CDK14: variants seen among roughly 807,000 people sequenced by gnomAD.
CDK14 encodes the protein cyclin dependent kinase 14.
CDK14 carries 34 observed loss-of-function variants against 60.7 expected under a neutral mutation model. The observed-to-expected ratio is 0.56, with a 90% CI of 0.43 to 0.75. The LOEUF is 0.75. Among genes scored for constraint, CDK14 ranks in the 30% least tolerant of loss-of-function variants. The pLI is 0.00. For synonymous variants in CDK14, 197 were observed against 203.7 expected, an observed-to-expected ratio of 0.97 and a Z score of 0.28; for missense variants, 482 against 564.1, an observed-to-expected ratio of 0.85 and a Z score of 1.47.
chr7:90,786,755 A>ATT (rs10661080), intron 4 of CDK14, among the ~76,000 whole-genome samples: 63,556 of 148,368 alleles, frequency 0.43, 14,229 homozygotes, highest in East Asian at 0.81. Context: ...TTTCTCTAAA[A>ATT]TTTTTTTTTT....
chr7:91,084,029 A>G (rs1798558657), intron 12 of CDK14, among the ~76,000 whole-genome samples: 1 of 152,206 alleles, frequency 6.6e-6, no homozygotes, highest in South Asian at 2.1e-4. Flanking sequence ...ACATCCCCAC[A>G]TATGCTTATG....
At chr7:90,852,035 A>T (rs1364847256) in intron 5 of CDK14, among the ~76,000 whole-genome samples, 2 of 152,014 alleles carry the variant, frequency 1.3e-5, no homozygotes, top group African/African-American at 4.8e-5. Flanking sequence ...AGTAGCTGGG[A>T]CTACAGGCAT....
chr7:90,760,613 T>C (rs6980150), intron 4 of CDK14, among the ~76,000 whole-genome samples: 29,041 of 152,196 alleles, frequency 0.19, 2,890 homozygotes, highest in South Asian at 0.24. Context: ...GACTTTGGGC[T>C]CTTGGACCAA....
At chr7:90,871,735 C>G (rs1347617999) in intron 6 of CDK14, among the ~76,000 whole-genome samples, 1 of 152,162 alleles carries the variant, frequency 6.6e-6, no homozygotes, top group Non-Finnish European at 1.5e-5. Flanking sequence ...GTGCTGCCAA[C>G]TGATACCATG....
intron 6 of CDK14, among the ~76,000 whole-genome samples, chr7:90,880,895 A>T (rs1443311311): frequency 6.6e-6 from 1 of 152,152 alleles, no homozygotes; most frequent in East Asian, 1.9e-4. Flanking sequence ...AACAGCATCA[A>T]CAACAACAAC....
intron 2 of CDK14, among the ~76,000 whole-genome samples, chr7:90,664,382 G>T (rs1260372896): frequency 6.6e-6 from 1 of 152,048 alleles, no homozygotes; most frequent in Admixed American, 6.6e-5. Context: ...TCGGTGTGGC[G>T]ATTCCTCAGG....
chr7:90,701,486 T>C (rs1328539265), intron 2 of CDK14, among the ~76,000 whole-genome samples: 1 of 152,202 alleles, frequency 6.6e-6, no homozygotes, highest in Non-Finnish European at 1.5e-5. Context: ...GAAGTAGCTT[T>C]GTAAAAACCT....
At chr7:90,692,312 C>T (rs969668219) in intron 2 of CDK14, among the ~76,000 whole-genome samples, 1 of 152,008 alleles carries the variant, frequency 6.6e-6, no homozygotes, top group Non-Finnish European at 1.5e-5. Flanking sequence ...TTCTATATTC[C>T]AAGGACTTAT....
chr7:90,748,109 G>A lies in CDK14; in HGVS notation c.464+334G>A, dbSNP rs1584853031. Among the ~76,000 whole-genome samples the A allele has an allele frequency of 3.9e-5, 6 of 152,010 alleles. No homozygotes were observed. The South Asian group carries it at 1.2e-3, about 32-fold the overall frequency. ...AATTTCTCATAGAGATTTAGTGTTG[G>A]GAATAGGAGTATTGATTTGACAATG... On this transcript the variant is annotated intron_variant, in intron 4 of 14. Transcript: ENST00000380050.
intron 2 of CDK14, among the ~76,000 whole-genome samples, chr7:90,725,875 G>T (rs1361424317): frequency 6.6e-6 from 1 of 152,124 alleles, no homozygotes; most frequent in Non-Finnish European, 1.5e-5. Flanking sequence ...AGAAGGGAAG[G>T]AGGTGGAGGT....
At chr7:91,068,853 T>C (rs1301241085) in intron 11 of CDK14, among the ~76,000 whole-genome samples, 1 of 139,138 alleles carries the variant, frequency 7.2e-6, no homozygotes, top group East Asian at 2.3e-4. Context: ...GATCATATCT[T>C]AAAGGCCACA....
At chr7:91,166,765 C>T (rs1801358895) in intron 14 of CDK14, among the ~76,000 whole-genome samples, 1 of 152,092 alleles carries the variant, frequency 6.6e-6, no homozygotes, top group Non-Finnish European at 1.5e-5. Context: ...CTGACTAGTC[C>T]CAACAACACA....
At chr7:90,929,657 A>G (rs1029911051) in intron 8 of CDK14, among the ~76,000 whole-genome samples, 7 of 152,248 alleles carry the variant, frequency 4.6e-5, no homozygotes, top group Admixed American at 2.6e-4. Context: ...ATAAAATTAT[A>G]CTTCATGTTA....
chr7:90,755,075 A>G (rs941161542), intron 4 of CDK14, among the ~76,000 whole-genome samples: 1 of 152,176 alleles, frequency 6.6e-6, no homozygotes, highest in Non-Finnish European at 1.5e-5. Context: ...AGAACTTAAA[A>G]CAGGAACTGT....
chr7:90,776,400 C>T (rs1805046134), intron 4 of CDK14, among the ~76,000 whole-genome samples: 1 of 152,086 alleles, frequency 6.6e-6, no homozygotes, highest in African/African-American at 2.4e-5. Flanking sequence ...AACCCATAGC[C>T]CTAAAACTCC....
chr7:90,622,431 A>G (rs1465172800), intron 2 of CDK14, among the ~76,000 whole-genome samples: 2 of 152,210 alleles, frequency 1.3e-5, no homozygotes, highest in Non-Finnish European at 2.9e-5. Flanking sequence ...ATTAGTAGAA[A>G]AACTGTCAAT....
At chr7:90,607,101 A>G (rs6955057) in intron 2 of CDK14, among the ~76,000 whole-genome samples, 144,141 of 152,266 alleles carry the variant, frequency 0.95, 68,263 homozygotes, top group East Asian at 1. Flanking sequence ...TGAACTATAC[A>G]AAAGGATCAA....
intron 4 of CDK14, among the ~76,000 whole-genome samples, chr7:90,757,240 G>C (rs902250651): frequency 2.8e-5 from 4 of 142,934 alleles, no homozygotes; most frequent in African/African-American, 2.7e-5. Flanking sequence ...GTGTGTGTGT[G>C]TGTGTGTGTG....
chr7:90,970,390 T>A (rs1370924598), intron 9 of CDK14, among the ~76,000 whole-genome samples: 1 of 152,228 alleles, frequency 6.6e-6, no homozygotes, highest in African/African-American at 2.4e-5. Context: ...ATTTTGAAGA[T>A]TTTATTTTGA....
Sources: allele counts gnomAD v4.1 joint callset (sites outside exome capture counted in the v4.1 genomes callset), GRCh38; gene constraint gnomAD v4.1.1; transcripts MANE v1.5; gene names NCBI Gene and HGNC (gene_info 2026-07-23, HGNC 2026-07-21).